GULP1: variants seen among roughly 807,000 people sequenced by gnomAD.
GULP1 encodes GULP PTB domain containing engulfment adaptor 1.
GULP1 carries 19 observed loss-of-function variants against 40.9 expected under a neutral mutation model. The observed-to-expected ratio is 0.46, with a 90% CI of 0.32 to 0.68. The LOEUF is 0.68. GULP1 is among the 30% of genes least tolerant of loss of function. The probability of loss-of-function intolerance (pLI) is 0.03; values close to 1 mark genes in which losing one functional copy is unlikely to be tolerated. For synonymous variants in GULP1, 119 were observed against 117.6 expected (o/e 1.01, Z -0.08); for missense variants, 312 against 362.2 (o/e 0.86, Z 1.12).
At chr2:188,546,040 C>T (rs1453611391) in intron 7 of GULP1, among the ~76,000 whole-genome samples, 1 of 151,698 alleles carries the variant, frequency 6.6e-6, no homozygotes, top group Non-Finnish European at 1.5e-5. Flanking sequence ...ATATGGTAAT[C>T]CTAACTGTGT....
At chr2:188,424,837 G>T (rs1454398669) in intron 2 of GULP1, among the ~76,000 whole-genome samples, 3 of 151,876 alleles carry the variant, frequency 2.0e-5, no homozygotes, top group East Asian at 1.9e-4. Flanking sequence ...CCACAGTCTG[G>T]ATTTTAATGA....
chr2:188,374,980 A>G (rs2048113953), intron 1 of GULP1, among the ~76,000 whole-genome samples: 1 of 152,198 alleles, frequency 6.6e-6, no homozygotes, highest in African/African-American at 2.4e-5. Flanking sequence ...AACATAAAGA[A>G]CAATCACAAA....
intron 2 of GULP1, among the ~76,000 whole-genome samples, chr2:188,449,488 G>C (rs999227473): frequency 6.6e-6 from 1 of 152,098 alleles, no homozygotes; most frequent in Non-Finnish European, 1.5e-5. Flanking sequence ...ATACTAATTA[G>C]GTAGTGAATA....
In GULP1 at chr2:188,292,707, G is replaced by C. The variant is rs1483003279; in HGVS notation, c.-172+541G>C. 6.6e-6 allele frequency: 1 copy of C among 152,670 alleles called. No homozygotes were observed. The highest frequency in any genetic ancestry group is 1.5e-5 in the Non-Finnish European group (1 of 68,458). The allele number at this position is 152,670 out of a possible 1,614,324, so 9.5% of individuals were successfully genotyped here. Reference sequence around the variant, plus strand: ...GCTGGGAGAGAATGTGGGCATGGGGGTGGGGAGGCGCGAAGCTCCGAGGCC... The same window carrying C: ...GCTGGGAGAGAATGTGGGCATGGGGCTGGGGAGGCGCGAAGCTCCGAGGCC... On this transcript the variant is annotated intron_variant, in intron 1 of 11. Transcript: ENST00000409830. This position sits in a 1 kb window ranked among gnomAD's most constrained non-coding sequence, Gnocchi z 4.0.
At chr2:188,379,144 C>T (rs1268605771) in intron 1 of GULP1, among the ~76,000 whole-genome samples, 1 of 151,928 alleles carries the variant, frequency 6.6e-6, no homozygotes, top group African/African-American at 2.4e-5. Context: ...AATTTCCTGC[C>T]CTTGAGAGCT....
At chr2:188,548,547 T>C (rs1301443773) in intron 7 of GULP1, among the ~76,000 whole-genome samples, 1 of 152,034 alleles carries the variant, frequency 6.6e-6, no homozygotes, top group Non-Finnish European at 1.5e-5. Context: ...TATAGCAAGG[T>C]TGTTTGTAGA....
intron 2 of GULP1, among the ~76,000 whole-genome samples, chr2:188,387,480 G>A (rs774297870): frequency 9.2e-5 from 14 of 152,228 alleles, no homozygotes; most frequent in South Asian, 2.1e-4. Flanking sequence ...TAAGAAATAC[G>A]TTTTGGTTTC....
chr2:188,536,354 A>C (rs1407637429), intron 6 of GULP1, among the ~76,000 whole-genome samples: 1 of 151,990 alleles, frequency 6.6e-6, no homozygotes, highest in Non-Finnish European at 1.5e-5. Context: ...ATCTTGAGTT[A>C]ATTTCTGTAT....
At chr2:188,470,583 G>A (rs1297220923) in intron 2 of GULP1, among the ~76,000 whole-genome samples, 1 of 152,092 alleles carries the variant, frequency 6.6e-6, no homozygotes, top group Non-Finnish European at 1.5e-5. Context: ...TGCTTTGGCT[G>A]TATTCCATAG....
intron 1 of GULP1, among the ~76,000 whole-genome samples, chr2:188,354,772 A>G (rs1238318728): frequency 6.6e-6 from 1 of 152,198 alleles, no homozygotes; most frequent in African/African-American, 2.4e-5. Context: ...CACATGAAAC[A>G]TTCTCCTGGA....
chr2:188,576,355 G>T (rs891615240), intron 9 of GULP1, among the ~76,000 whole-genome samples: 1 of 151,980 alleles, frequency 6.6e-6, no homozygotes, highest in Non-Finnish European at 1.5e-5. Flanking sequence ...TCTAGCTAAA[G>T]AAAATAATAT....
At chr2:188,584,855 G>A (rs1201175663) in intron 10 of GULP1, among the ~76,000 whole-genome samples, 1 of 151,724 alleles carries the variant, frequency 6.6e-6, no homozygotes, top group Non-Finnish European at 1.5e-5. Context: ...CCTTTTGTAA[G>A]GGTTCTTTCC....
chr2:188,534,426 G>A (rs1463784562), intron 6 of GULP1, among the ~76,000 whole-genome samples: 2 of 151,690 alleles, frequency 1.3e-5, no homozygotes, highest in Admixed American at 1.3e-4. Flanking sequence ...CTTATAAGTG[G>A]GTACTTATAC....
rs373193164 is a variant in GULP1, at chr2:188,405,487, G to T, written c.-45+21598G>T. Among the ~76,000 whole-genome samples, 81 of 152,210 alleles carry T rather than the reference G, an allele frequency of 5.3e-4. 1 individual carries two copies. The South Asian group carries it at 0.017, about 31-fold the overall frequency. On this transcript the variant is annotated intron_variant, in intron 2 of 11. Coordinates refer to ENST00000409830, the MANE Select transcript of GULP1 (RefSeq NM_016315.4). ...CCTCAGGTCAGCCCTCACAGACTTA[G>T]GCTCCAGGCCTGTCCTAGTGCCTGG...
At chr2:188,514,202 A>G (rs1292427087) in intron 4 of GULP1, among the ~76,000 whole-genome samples, 1 of 151,998 alleles carries the variant, frequency 6.6e-6, no homozygotes, top group Non-Finnish European at 1.5e-5. Context: ...CAATTATCTT[A>G]CTTGTTTCTA....
At chr2:188,445,132 C>T (rs145114075) in intron 2 of GULP1, among the ~76,000 whole-genome samples, 5 of 152,172 alleles carry the variant, frequency 3.3e-5, no homozygotes, top group Admixed American at 6.5e-5. Flanking sequence ...CCAGACTCTC[C>T]GATGTTTCTT....
intron 1 of GULP1, among the ~76,000 whole-genome samples, chr2:188,343,883 A>T (rs964738279): frequency 2.4e-4 from 36 of 152,238 alleles, no homozygotes; most frequent in African/African-American, 8.4e-4. Flanking sequence ...GCTCACTACA[A>T]CCTTCACCTC....
intron 2 of GULP1, among the ~76,000 whole-genome samples, chr2:188,450,924 C>G (rs1353363481): frequency 6.6e-6 from 1 of 152,136 alleles, no homozygotes; most frequent in African/African-American, 2.4e-5. Context: ...CAACATTTCC[C>G]CATCTCAGCA....
chr2:188,562,679 T>C (rs1386419054), intron 7 of GULP1, among the ~76,000 whole-genome samples: 1 of 152,028 alleles, frequency 6.6e-6, no homozygotes, highest in Admixed American at 6.6e-5. Flanking sequence ...AAACCCAATA[T>C]CATCCACCAC....
Sources: allele counts gnomAD v4.1 joint callset (sites outside exome capture counted in the v4.1 genomes callset), GRCh38; gene constraint gnomAD v4.1.1; non-coding constraint Gnocchi (gnomAD v3.1); transcripts MANE v1.5; gene names NCBI Gene and HGNC (gene_info 2026-07-23, HGNC 2026-07-21).